The following ZNF600 variants were observed in gnomAD, a reference collection of about 807,000 sequenced individuals.
The protein encoded by ZNF600 is zinc finger protein KR-ZNF1.
ZNF600 carries 4 observed loss-of-function variants against 7.3 expected under a neutral mutation model. The ratio of observed to expected loss-of-function variants is 0.55; its 90% CI spans 0.27 to 1.25. The LOEUF (loss-of-function observed/expected upper bound fraction) is 1.25. ZNF600 is among the 50% of genes most tolerant of loss of function. ZNF600 has a pLI of 0.12. For missense variants in ZNF600, 911 were observed against 922.1 expected, an observed-to-expected ratio of 0.99 and a Z score of 0.16; for synonymous variants, 290 against 308.9, an observed-to-expected ratio of 0.94 and a Z score of 0.64.
the ZNF600 span, among the ~76,000 whole-genome samples, chr19:52,792,617 A>T: frequency 2.9e-4 from 44 of 152,248 alleles, no homozygotes; most frequent in East Asian, 7.7e-3. Context: ...TATGACCTGG[A>T]AGCACCCTCG....
chr19:52,774,820 A>C, intron 2 of ZNF600, 119 bp from the exon 5 acceptor site: 1 of 983,326 alleles, frequency 1.0e-6, no homozygotes, highest in Non-Finnish European at 1.2e-6. Flanking sequence ...CAAAATGTTA[A>C]GGTATTTTGA....
chr19:52,774,232 C>T (rs760044810), intron 3 of ZNF600, among the ~76,000 whole-genome samples: 1 of 151,648 alleles, frequency 6.6e-6, no homozygotes, highest in Admixed American at 6.6e-5. Context: ...GAGTGAGAGA[C>T]GAGTCTGACC....
At chr19:52,790,681 CCTT>C (rs949465621), upstream of ZNF600, among the ~76,000 whole-genome samples, 7 of 137,502 alleles carry the variant, frequency 5.1e-5, no homozygotes, top group South Asian at 2.5e-4. Flanking sequence ...CTCTCTCTCT[CCTT>C]TTTTTTTTTT....
the ZNF600 span, chr19:52,821,644 G>C: frequency 1.3e-5 from 2 of 152,192 alleles, no homozygotes; most frequent in Admixed American, 1.3e-4. Flanking sequence ...GCGCGAATCT[G>C]CGCGCGCAGG....
chr19:52,785,033 A>G (rs191536815), intron 1 of ZNF600, among the ~76,000 whole-genome samples: 68 of 151,704 alleles, frequency 4.5e-4, no homozygotes, highest in African/African-American at 1.3e-3. Context: ...CACTGCGCCC[A>G]GCCCCTCTTT....
At chr19:52,827,243 T>TAA in the ZNF600 span, among the ~76,000 whole-genome samples, 10 of 69,282 alleles carry the variant, frequency 1.4e-4, no homozygotes, top group African/African-American at 2.3e-4. Context: ...ACCCTGTCTC[T>TAA]AAAAACAAAA....
chr19:52,820,823 C>G, the ZNF600 span, among the ~76,000 whole-genome samples: 14,950 of 123,626 alleles, frequency 0.12, 827 homozygotes, highest in South Asian at 0.23. Flanking sequence ...AAATCCCTCA[C>G]CATCCTCTAC....
chr19:52,787,134 G>A (rs545258043), upstream of ZNF600, among the ~76,000 whole-genome samples: 324 of 152,344 alleles, frequency 2.1e-3, no homozygotes, highest in African/African-American at 6.5e-3. Flanking sequence ...CAGGAGGGAG[G>A]GTCCACCCCG....
Position 52,765,942 on chromosome 19 carries a change from G to A in ZNF600, c.2021C>T (p.Thr674Ile). 2.5e-6 allele frequency: 4 copies of A among 1,614,082 alleles called. No individual in the cohort carries two copies. The African/African-American group carries it at 5.3e-5, about 22-fold the overall frequency. The change falls in exon 4 of 4, where the codon ACT becomes ATT. Residue 674 changes from threonine (T) to isoleucine (I), a missense_variant. Transcript: ENST00000648973. ...ATTACACTTGTAAGGTTTCTCTGCAGTGTGAATTCTGGTATGTCTTGCCAG... is the reference window on the plus strand; with the variant it reads ...ATTACACTTGTAAGGTTTCTCTGCAATGTGAATTCTGGTATGTCTTGCCAG...
intron 1 of ZNF600, among the ~76,000 whole-genome samples, chr19:52,785,828 T>C (rs1247678912): frequency 6.6e-6 from 1 of 152,142 alleles, no homozygotes; most frequent in Non-Finnish European, 1.5e-5. Context: ...GCCTCCCTCT[T>C]TGCTGCCCCT....
chr19:52,793,742 G>C, the ZNF600 span, among the ~76,000 whole-genome samples: 1 of 149,742 alleles, frequency 6.7e-6, no homozygotes, highest in Non-Finnish European at 1.5e-5. Context: ...ACTCCAGCCT[G>C]GGTGAGAAGA....
chr19:52,791,789 G>A (rs147759851), upstream of ZNF600, among the ~76,000 whole-genome samples: 1,153 of 152,238 alleles, frequency 7.6e-3, 15 homozygotes, highest in African/African-American at 0.026. Flanking sequence ...CCTCCTGGAG[G>A]AGCCTCCCCC....
chr19:52,824,960 G>A, the ZNF600 span, among the ~76,000 whole-genome samples: 4 of 152,140 alleles, frequency 2.6e-5, no homozygotes, highest in Admixed American at 6.6e-5. Flanking sequence ...AGCTGGACAC[G>A]GTGGTGCACA....
chr19:52,831,351 T>C, the ZNF600 span, among the ~76,000 whole-genome samples: 2,462 of 152,134 alleles, frequency 0.016, 40 homozygotes, highest in South Asian at 0.048. Flanking sequence ...ACTCTATTGC[T>C]CAGGCTGGAG....
chr19:52,766,960 C>T (rs1238498289), exon 4 of ZNF600: 2 of 1,613,796 alleles, frequency 1.2e-6, no homozygotes, highest in Admixed American at 1.7e-5. Context: ...GTATGAATTG[C>T]CTTATGAATT....
chr19:52,778,840 T>G (rs1213945608), exon 2 of ZNF600: 2 of 1,607,970 alleles, frequency 1.2e-6, no homozygotes, highest in Non-Finnish European at 1.7e-6. Flanking sequence ...GGAAGAGCCA[T>G]GCCTGGCTCC....
At chr19:52,815,177 T>G in the ZNF600 span, among the ~76,000 whole-genome samples, 503 of 144,480 alleles carry the variant, frequency 3.5e-3, 72 homozygotes, top group African/African-American at 0.013. Flanking sequence ...CTTGCCTTGG[T>G]GGAAAGGATA....
the ZNF600 span, among the ~76,000 whole-genome samples, chr19:52,803,015 C>T: frequency 6.6e-6 from 1 of 152,022 alleles, no homozygotes; most frequent in South Asian, 2.1e-4. Context: ...CTTGCCTCAG[C>T]CTCCCAAAGT....
At chr19:52,810,667 A>G in the ZNF600 span, 1 of 999,846 alleles carries the variant, frequency 1.0e-6, no homozygotes, top group Non-Finnish European at 1.6e-6. Flanking sequence ...TCGCGTCTAC[A>G]GGGGCCGGGC....
Sources: allele counts gnomAD v4.1 joint callset (sites outside exome capture counted in the v4.1 genomes callset), GRCh38; gene constraint gnomAD v4.1.1; transcripts MANE v1.5; gene names NCBI Gene and HGNC (gene_info 2026-07-23, HGNC 2026-07-21).